The following CTNNAL1 variants were observed in gnomAD, a reference collection of about 807,000 sequenced individuals.
CTNNAL1 encodes the protein catenin alpha like 1, also known as alpha-catulin.
CTNNAL1 carries 69 observed loss-of-function variants against 93.6 expected under a neutral mutation model. That is an observed-to-expected ratio of 0.74 (90% confidence interval 0.61 to 0.90). The LOEUF is 0.90. CTNNAL1 is among the 40% of genes least tolerant of loss of function. The pLI is 0.00. For synonymous variants in CTNNAL1, 286 were observed against 305.4 expected, an observed-to-expected ratio of 0.94 and a Z score of 0.66; for missense variants, 836 against 862.0, an observed-to-expected ratio of 0.97 and a Z score of 0.38.
chr9:109,008,583 C>T (rs906663167), intron 1 of CTNNAL1, among the ~76,000 whole-genome samples: 3 of 152,282 alleles, frequency 2.0e-5, no homozygotes, highest in South Asian at 4.1e-4. Flanking sequence ...GGTTGTAACA[C>T]GGATATTGCT....
intron 6 of CTNNAL1, among the ~76,000 whole-genome samples, chr9:108,982,181 C>T (rs939558994): frequency 3.9e-5 from 6 of 152,154 alleles, no homozygotes; most frequent in African/African-American, 1.4e-4. Flanking sequence ...TTCCTGGAGT[C>T]ACACTGCCTA....
intron 1 of CTNNAL1, among the ~76,000 whole-genome samples, chr9:109,008,686 T>A (rs1218986167): frequency 6.6e-6 from 1 of 152,204 alleles, no homozygotes; most frequent in Non-Finnish European, 1.5e-5. Context: ...TATCTTTTCC[T>A]ATATCTTTTA....
intron 3 of CTNNAL1, among the ~76,000 whole-genome samples, chr9:108,991,357 C>G (rs905798667): frequency 6.6e-6 from 1 of 152,142 alleles, no homozygotes; most frequent in Non-Finnish European, 1.5e-5. Context: ...GAAAATTAGT[C>G]TGGCTCAGTC....
At chr9:108,991,173 A>G (rs1831788577) in intron 3 of CTNNAL1, among the ~76,000 whole-genome samples, 1 of 152,252 alleles carries the variant, frequency 6.6e-6, no homozygotes, top group Non-Finnish European at 1.5e-5. Flanking sequence ...GCAGGACCAC[A>G]GTAATCAAAT....
At chr9:108,962,073 GCATCATTCAAACCTCAGTAAGGGT>G (rs1389554692) in intron 11 of CTNNAL1, among the ~76,000 whole-genome samples, 8 of 152,074 alleles carry the variant, frequency 5.3e-5, no homozygotes, top group Admixed American at 4.6e-4. Context: ...TTCATCTTTG[GCATCATTCAAACCTCAGTAAGGGT>G]CCCAGCTCCT....
chr9:108,982,456 G>A (rs1325914343), intron 6 of CTNNAL1, among the ~76,000 whole-genome samples: 13 of 152,168 alleles, frequency 8.5e-5, no homozygotes, highest in African/African-American at 3.1e-4. Context: ...ACAGAGAAAA[G>A]CAGGAATTCT....
rs889160850 is a variant in CTNNAL1, at chr9:108,990,633, G to T, written c.639+93C>A. 3.5e-6 allele frequency: 5 copies of T among 1,446,408 alleles called. No individual in the cohort carries two copies. The African/African-American group carries it at 7.1e-5, about 21-fold the overall frequency. 89.6% of individuals were successfully genotyped at this position (1,446,408 alleles called of 1,614,324 possible). A position where few individuals can be genotyped will look rare whatever the true frequency, so the allele number is the denominator to read the frequency against. ...CAAGGCTATAGACTTAATAAGCAAA[G>T]AAACCAGTCCAAACAATCCTAACGA... On this transcript the variant is annotated intron_variant, in intron 4 of 18. Transcript: ENST00000325551.
intron 7 of CTNNAL1, among the ~76,000 whole-genome samples, chr9:108,977,627 C>G (rs561929544): frequency 6.6e-6 from 1 of 152,182 alleles, no homozygotes; most frequent in African/African-American, 2.4e-5. Context: ...ATCTTCCCCA[C>G]TAGGCCACGA....
intron 1 of CTNNAL1, among the ~76,000 whole-genome samples, chr9:109,004,648 T>G (rs1454832456): frequency 6.6e-6 from 1 of 152,096 alleles, no homozygotes; most frequent in Non-Finnish European, 1.5e-5. Flanking sequence ...TAGCCGGGCA[T>G]GGTGGTGTGC....
chr9:108,997,401 C>A (rs900727725), intron 2 of CTNNAL1, among the ~76,000 whole-genome samples: 10 of 152,096 alleles, frequency 6.6e-5, no homozygotes, highest in Admixed American at 1.3e-4. Flanking sequence ...TCCTCCACAC[C>A]ATCAGAAAGA....
chr9:108,943,004 A>T lies in CTNNAL1; in HGVS notation c.2096T>A (p.Leu699His). The T allele has an allele frequency of 6.2e-7, 1 of 1,612,928 alleles. No individual in the cohort carries two copies. The highest frequency in any genetic ancestry group is 1.7e-4 in the Middle Eastern group (1 of 5,944). ...ACAAAGTGAAAGAAGTTGGACTAAG[A>T]GAGCCATCATGGATCTTGTCTTCGT... ...CITKTRSMMA[L>H]LVQLLSLCYK... is the part of the protein sequence containing the mutation. The change falls in exon 18 of 19, where the codon CTC (leucine) becomes CAC (histidine). Residue 699 changes from leucine (L) to histidine (H), a missense_variant. Leu to His is a moderately conservative substitution (Grantham distance 99). Coordinates refer to ENST00000325551, the MANE Select transcript of CTNNAL1 (RefSeq NM_003798.4).
At chr9:108,960,261 A>G (rs1479662897) in intron 11 of CTNNAL1, among the ~76,000 whole-genome samples, 1 of 152,096 alleles carries the variant, frequency 6.6e-6, no homozygotes, top group Admixed American at 6.5e-5. Flanking sequence ...TCTATATTCA[A>G]TTGACCAATA....
intron 17 of CTNNAL1, 67 bp downstream of exon 17, chr9:108,943,636 T>C: frequency 5.9e-6 from 8 of 1,359,724 alleles, no homozygotes; most frequent in Middle Eastern, 2.3e-4. Flanking sequence ...AACAGTTTAT[T>C]TGAAGAAAAA....
Position 108,948,944 on chromosome 9 carries a change from G to A in CTNNAL1, c.1836-710C>T, listed in dbSNP as rs148874829. On this transcript the variant is annotated intron_variant, in intron 14 of 18. Coordinates refer to ENST00000325551, the MANE Select transcript of CTNNAL1 (RefSeq NM_003798.4). ...TATCATTCCTGTTCTCCAGTAAACC[G>A]TCATGAAAATCAAATGAAATGATGA... 3.0e-3 allele frequency among the ~76,000 whole-genome samples: 452 copies of A among 151,948 alleles called. 3 individuals are homozygous for A. The highest frequency in any genetic ancestry group is 9.8e-3 in the African/African-American group (407 of 41,418).
intron 15 of CTNNAL1, 134 bp from the exon 16 acceptor site, chr9:108,944,152 A>G (rs28361180): frequency 0.022 from 18,399 of 843,356 alleles, 284 homozygotes; most frequent in South Asian, 0.041. Flanking sequence ...AGGAACTCCT[A>G]AACTTTTTCC....
At chr9:108,946,454 G>A (rs964733666) in intron 15 of CTNNAL1, among the ~76,000 whole-genome samples, 1 of 151,956 alleles carries the variant, frequency 6.6e-6, no homozygotes, top group Non-Finnish European at 1.5e-5. Flanking sequence ...ACTTGTTTTG[G>A]CTATCTAAAA....
At chr9:108,979,231 T>C (rs1282440748) in intron 7 of CTNNAL1, 50 bp downstream of exon 7, 2 of 1,605,736 alleles carry the variant, frequency 1.2e-6, no homozygotes, top group East Asian at 2.2e-5. Context: ...CAAAACTTTA[T>C]GGGAAAGCCA....
intron 1 of CTNNAL1, among the ~76,000 whole-genome samples, chr9:109,002,103 A>T (rs561891624): frequency 6.6e-6 from 1 of 152,350 alleles, no homozygotes; most frequent in South Asian, 2.1e-4. Context: ...CTCCTATAAC[A>T]AAATACCTTA....
At chr9:108,944,100 C>A in intron 15 of CTNNAL1, 82 bp from the exon 16 acceptor site, 1 of 1,320,704 alleles carries the variant, frequency 7.6e-7, no homozygotes, top group East Asian at 2.4e-5. Context: ...ATAATTTTTA[C>A]GTAGAATTTT....
Sources: allele counts gnomAD v4.1 joint callset (sites outside exome capture counted in the v4.1 genomes callset), GRCh38; gene constraint gnomAD v4.1.1; transcripts MANE v1.5; gene names NCBI Gene and HGNC (gene_info 2026-07-23, HGNC 2026-07-21).